Variants in FBP2 observed in about 807,000 individuals in gnomAD.
The protein encoded by FBP2 is fructose-1,6-bisphosphatase isozyme 2.
In FBP2, 27 loss-of-function variants were observed where a neutral mutation model predicts 31.6. The observed-to-expected ratio is 0.85, with a 90% CI of 0.63 to 1.18. FBP2 has a LOEUF of 1.18. Among genes scored for constraint, FBP2 ranks in the 50% most tolerant of loss-of-function variants. The pLI, the probability that FBP2 is intolerant of heterozygous loss-of-function variation, is 0.00. For synonymous variants in FBP2, 168 were observed against 179.8 expected (o/e 0.93, Z 0.53); for missense variants, 421 against 436.1 (o/e 0.97, Z 0.31).
chr9:94,581,049 T>C (rs1827367839), intron 3 of FBP2, among the ~76,000 whole-genome samples: 1 of 152,252 alleles, frequency 6.6e-6, no homozygotes, highest in South Asian at 2.1e-4. Flanking sequence ...TATGATTTAT[T>C]CTATGCCTTA....
At chr9:94,580,638 A>C (rs1052926433) in intron 3 of FBP2, among the ~76,000 whole-genome samples, 2 of 152,238 alleles carry the variant, frequency 1.3e-5, no homozygotes, top group Non-Finnish European at 1.5e-5. Context: ...TAACTTTTTC[A>C]AAATTGAATC....
chr9:94,559,295 G>T (rs935765989), intron 6 of FBP2, 163 bp from the exon 7 acceptor site: 19 of 636,950 alleles, frequency 3.0e-5, no homozygotes, highest in Admixed American at 1.2e-4. Context: ...AGAGCCTACA[G>T]CAGGCCAGAT....
intron 5 of FBP2, 113 bp from the exon 6 acceptor site, chr9:94,563,574 TC>T: frequency 8.7e-7 from 1 of 1,144,578 alleles, no homozygotes; most frequent in Non-Finnish European, 1.3e-6. Context: ...ATCCCTATCC[TC>T]CACCCACTAG....
chr9:94,568,222 A>G (rs1464499988), intron 4 of FBP2: 1 of 152,160 alleles, frequency 6.6e-6, no homozygotes, highest in Non-Finnish European at 1.5e-5. Context: ...TCTTACCTGG[A>G]GAAAAGAGGA....
At chr9:94,566,148 C>G (rs574661793) in intron 5 of FBP2, among the ~76,000 whole-genome samples, 1 of 152,324 alleles carries the variant, frequency 6.6e-6, no homozygotes. Flanking sequence ...CTTTTGACTT[C>G]TTTTTGTTTC....
At chr9:94,562,523 G>A (rs997709252) in intron 6 of FBP2, among the ~76,000 whole-genome samples, 5 of 152,116 alleles carry the variant, frequency 3.3e-5, no homozygotes, top group African/African-American at 1.2e-4. Context: ...TTCATGTGCT[G>A]TGTGAGATCT....
chr9:94,573,418 C>T (rs1479286554), intron 3 of FBP2, among the ~76,000 whole-genome samples: 3 of 152,228 alleles, frequency 2.0e-5, no homozygotes, highest in East Asian at 1.9e-4. Flanking sequence ...ACTACCACCC[C>T]CCTCTCCAGC....
intron 3 of FBP2, among the ~76,000 whole-genome samples, chr9:94,583,821 C>A (rs190161966): frequency 2.2e-4 from 34 of 152,236 alleles, no homozygotes; most frequent in African/African-American, 7.7e-4. Context: ...CTGGTCTCGA[C>A]CACCTAGCCT....
chr9:94,587,379 T>C lies in FBP2; in HGVS notation c.261A>G (p.Gln87=). 1 of 1,614,080 alleles carries C rather than the reference T, an allele frequency of 6.2e-7. No homozygotes were observed. Among genetic ancestry groups the C allele is most frequent in the Non-Finnish European group, 8.5e-7 (1 of 1,179,958 alleles). The change falls in exon 2 of 7, where the codon CAA becomes CAG. Residue 87 remains glutamine, a synonymous_variant. Coordinates refer to ENST00000375337, the MANE Select transcript of FBP2 (RefSeq NM_003837.4). ...LSNSLVINMV[Q]SSYSTCVLVS... ...CCAGGACGCAGGTACTATAGGAGGATTGGACCATGTTGATCACCAGGGAAT... is the reference window on the plus strand; with the variant it reads ...CCAGGACGCAGGTACTATAGGAGGACTGGACCATGTTGATCACCAGGGAAT...
At chr9:94,560,181 C>A (rs781575849) in intron 6 of FBP2, among the ~76,000 whole-genome samples, 1 of 152,110 alleles carries the variant, frequency 6.6e-6, no homozygotes, top group East Asian at 1.9e-4. Context: ...GGGTCCCAGC[C>A]GAGGGCAGAA....
chr9:94,581,840 A>T (rs1013797086), intron 3 of FBP2, among the ~76,000 whole-genome samples: 6 of 152,222 alleles, frequency 3.9e-5, no homozygotes, highest in Non-Finnish European at 7.3e-5. Context: ...TTTTGGAATT[A>T]GGCACAACTG....
At chr9:94,562,495 T>A (rs1827123860) in intron 6 of FBP2, among the ~76,000 whole-genome samples, 1 of 152,038 alleles carries the variant, frequency 6.6e-6, no homozygotes, top group Non-Finnish European at 1.5e-5. Context: ...TACACCAACC[T>A]ATTAAAATCT....
At position 94,593,776 on chromosome 9, in the gene FBP2, A is replaced by C. The variant is rs1827528197; in HGVS notation, c.-50T>G. 1.9e-6 allele frequency: 3 copies of C among 1,597,146 alleles called. No individual in the cohort carries two copies. The African/African-American group carries it at 4.0e-5, about 21-fold the overall frequency. On this transcript the variant is annotated 5_prime_UTR_variant, in exon 1 of 7. Transcript: ENST00000375337. ...TTTCTCCCGGCAGGAAACCTTGCTT[A>C]CTTCTGAGGGCTGCAGCTCCGCAGT...
At chr9:94,581,523 C>T (rs969438364) in intron 3 of FBP2, among the ~76,000 whole-genome samples, 4 of 152,174 alleles carry the variant, frequency 2.6e-5, no homozygotes, top group Non-Finnish European at 5.9e-5. Flanking sequence ...ATTTAACTGG[C>T]TTCCACTGTT....
chr9:94,567,147 TACTG>T (rs1166367230), intron 5 of FBP2, 119 bp downstream of exon 5: 3 of 945,164 alleles, frequency 3.2e-6, no homozygotes, highest in Non-Finnish European at 3.3e-6. Context: ...ATCATCTTCA[TACTG>T]ACCACAGCCA....
chr9:94,585,022 G>A (rs1397809562), intron 2 of FBP2, among the ~76,000 whole-genome samples: 3 of 152,170 alleles, frequency 2.0e-5, no homozygotes, highest in Admixed American at 6.5e-5. Flanking sequence ...GCAAGGTCAC[G>A]AGAGACCCTT....
chr9:94,561,880 A>G (rs1236551328), intron 6 of FBP2, among the ~76,000 whole-genome samples: 1 of 152,192 alleles, frequency 6.6e-6, no homozygotes, highest in African/African-American at 2.4e-5. Context: ...ATGGAGTGAC[A>G]TGTGCTTAAG....
chr9:94,575,439 C>A (rs1827306766), intron 3 of FBP2, among the ~76,000 whole-genome samples: 1 of 152,078 alleles, frequency 6.6e-6, no homozygotes, highest in African/African-American at 2.4e-5. Context: ...GCAATTTTAC[C>A]TATGTTGTTA....
chr9:94,561,984 G>A (rs541415091), intron 6 of FBP2, among the ~76,000 whole-genome samples: 2 of 152,192 alleles, frequency 1.3e-5, no homozygotes, highest in African/African-American at 4.8e-5. Flanking sequence ...TCTCCCCAAT[G>A]TAACTGAGTA....
Sources: allele counts gnomAD v4.1 joint callset (sites outside exome capture counted in the v4.1 genomes callset), GRCh38; gene constraint gnomAD v4.1.1; transcripts MANE v1.5; gene names NCBI Gene and HGNC (gene_info 2026-07-23, HGNC 2026-07-21).